FBN3: variants seen among roughly 807,000 people sequenced by gnomAD.
FBN3 encodes the protein fibrillin 3.
Under a neutral mutation model 330.1 loss-of-function variants are expected in FBN3, and 234 were observed. That is an observed-to-expected ratio of 0.71 (90% confidence interval 0.64 to 0.79). The LOEUF (loss-of-function observed/expected upper bound fraction) is 0.79. FBN3 is among the 30% of genes least tolerant of loss of function. The pLI is 0.00. For synonymous variants in FBN3, 1,458 were observed against 1,517.3 expected (o/e 0.96, Z 0.91); for missense variants, 3,606 against 3,886.9 (o/e 0.93, Z 1.92).
chr19:8,069,109 G>A (rs2081456452), intron 63 of FBN3, among the ~76,000 whole-genome samples: 1 of 152,188 alleles, frequency 6.6e-6, no homozygotes, highest in Admixed American at 6.5e-5. Flanking sequence ...CTGACAGTGA[G>A]AGAAACGGGA....
chr19:8,132,980 T>C lies in FBN3; in HGVS notation c.1714+4A>G. ...TCCGCTGGCCAGTCTGGCTCCAGGC[T>C]CACCCATGCAGTAGTGGCCGCCAGG... On this transcript the variant is annotated splice_donor_region_variant and intron_variant, in intron 14 of 63. Coordinates refer to ENST00000600128, the MANE Select transcript of FBN3 (RefSeq NM_032447.5). 1 of 1,550,930 alleles carries C rather than the reference T, an allele frequency of 6.4e-7. No individual in the cohort carries two copies. The highest frequency in any genetic ancestry group is 8.7e-7 in the Non-Finnish European group (1 of 1,151,636).
chr19:8,116,633 GCCT>G, intron 29 of FBN3, 38 bp downstream of exon 29: 1 of 1,581,214 alleles, frequency 6.3e-7, no homozygotes, highest in Non-Finnish European at 8.7e-7. Context: ...TTCTGACACT[GCCT>G]CCTCCACCCG....
intron 62 of FBN3, among the ~76,000 whole-genome samples, 189 bp downstream of exon 62, chr19:8,072,874 G>GC (rs2081548318): frequency 1.3e-5 from 2 of 152,050 alleles, no homozygotes; most frequent in Non-Finnish European, 2.9e-5. Context: ...CTGTACCTCT[G>GC]CGTGTCCAGG....
chr19:8,103,288 T>C (rs1327166949), intron 39 of FBN3, among the ~76,000 whole-genome samples: 1 of 101,772 alleles, frequency 9.8e-6, no homozygotes, highest in Non-Finnish European at 2.4e-5. Context: ...AAAAAAAAGA[T>C]TACTGGCTGG....
At chr19:8,135,936 G>GGGGGGGGGGCCCCCCCCCCCCCCC in intron 13 of FBN3, 25 bp downstream of exon 13, 2 of 668,762 alleles carry the variant, frequency 3.0e-6, no homozygotes, top group Non-Finnish European at 2.4e-6. Context: ...GGAAGCCCCT[G>GGGGGGGGGGCCCCCCCCCCCCCCC]CCCACCCGCC....
Position 8,121,161 on chromosome 19 carries a change from T to A in FBN3, c.3211+97A>T. On this transcript the variant is annotated intron_variant, in intron 25 of 63. Coordinates refer to ENST00000600128, the MANE Select transcript of FBN3 (RefSeq NM_032447.5). This position sits in a 1 kb window ranked among gnomAD's most constrained non-coding sequence, Gnocchi z 4.5. ...CTCCTCCCTCCTCCTGCCCCCTCCA[T>A]CCACGTCCACACAGCAACAGCCGTC... The A allele has an allele frequency of 8.4e-7, 1 of 1,195,922 alleles. No individual in the cohort carries two copies. Among genetic ancestry groups the A allele is most frequent in the East Asian group, 2.5e-5 (1 of 39,626 alleles). The allele number at this position is 1,195,922 out of a possible 1,614,324, so 74.1% of individuals were successfully genotyped here.
chr19:8,083,425 C>G, intron 56 of FBN3, 53 bp from the exon 57 acceptor site: 2 of 1,602,754 alleles, frequency 1.2e-6, no homozygotes, highest in Non-Finnish European at 1.7e-6. Context: ...GCGCCTCCAC[C>G]GAGGAATGTC....
At chr19:8,123,665 T>G in intron 23 of FBN3, 76 bp from the exon 24 acceptor site, 1 of 1,601,934 alleles carries the variant, frequency 6.2e-7, no homozygotes. Context: ...CCTGGGTTCT[T>G]AGTGCCTCGC....
chr19:8,073,220 C>T lies in FBN3; in HGVS notation c.7780G>A (p.Val2594Ile), dbSNP rs35318692. The change falls in exon 62 of 64, where the codon GTC (valine) becomes ATC (isoleucine). Residue 2594 changes from valine to isoleucine, a missense_variant. Transcript: ENST00000600128. Reference sequence around the variant, plus strand: ...TCAAAGTCAAAGCCAGAGGGGCAGACGCAGCGGAAGCCACCAAGAGTGTTG... The same window carrying T: ...TCAAAGTCAAAGCCAGAGGGGCAGATGCAGCGGAAGCCACCAAGAGTGTTG... The part of the protein sequence containing the change: ...CRNTLGGFRC[V>I]CPSGFDFDQA... 5,392 of 1,614,056 alleles carry T rather than the reference C, an allele frequency of 3.3e-3. 18 individuals are homozygous for T. The highest frequency in any genetic ancestry group is 8.6e-3 in the Middle Eastern group (52 of 6,060).
chr19:8,084,008 C>T (rs1298891522), intron 56 of FBN3, among the ~76,000 whole-genome samples: 1 of 151,812 alleles, frequency 6.6e-6, no homozygotes, highest in African/African-American at 2.4e-5. Context: ...TTCACCGTGT[C>T]AGCCAGGATG....
In FBN3 at chr19:8,090,201, C is replaced by T. The variant is rs1358517347; in HGVS notation, c.6082G>A (p.Val2028Met). 1.2e-6 allele frequency: 2 copies of T among 1,613,946 alleles called. No individual in the cohort carries two copies. Among genetic ancestry groups the T allele is most frequent in the Non-Finnish European group, 1.7e-6 (2 of 1,180,008 alleles). Reference protein sequence around the residue: ...FTRFEAGKCSVPKAFNTTKTR... With the variant: ...FTRFEAGKCSMPKAFNTTKTR... Reference sequence around the variant, plus strand: ...TTGGTGGTGTTGAAAGCTTTGGGCACCGAGCACTTCCCAGCCTCAAAACGG... The same window carrying T: ...TTGGTGGTGTTGAAAGCTTTGGGCATCGAGCACTTCCCAGCCTCAAAACGG... The change falls in exon 49 of 64, where the codon GTG becomes ATG. Residue 2028 changes from valine (V) to methionine (M), a missense_variant. Coordinates refer to ENST00000600128, the MANE Select transcript of FBN3 (RefSeq NM_032447.5).
rs377686078 is a variant in FBN3 at position 8,126,932 on chromosome 19, G to A, written c.2297-100C>T. On this transcript the variant is annotated intron_variant, in intron 18 of 63. Coordinates refer to ENST00000600128, the MANE Select transcript of FBN3 (RefSeq NM_032447.5). ...AAGGGGCCGCCGCAACCGGTGGCAC[G>A]GGGTGCACCCAGATGCACAAGCATG... 1.1e-5 allele frequency: 15 copies of A among 1,387,620 alleles called. No individual in the cohort carries two copies. The East Asian group carries it at 1.5e-4, about 14-fold the overall frequency. 86.0% of individuals were successfully genotyped at this position (1,387,620 alleles called of 1,614,324 possible).
chr19:8,144,149 G>A (rs1163052146), intron 6 of FBN3, among the ~76,000 whole-genome samples: 1 of 151,940 alleles, frequency 6.6e-6, no homozygotes, highest in Non-Finnish European at 1.5e-5. Flanking sequence ...TGGGTGTGGT[G>A]GCTCATTTTG....
chr19:8,118,265 T>TAC (rs138268398), intron 26 of FBN3, among the ~76,000 whole-genome samples: 243 of 151,314 alleles, frequency 1.6e-3, no homozygotes, highest in African/African-American at 5.2e-3. Flanking sequence ...CACATTCTCT[T>TAC]ACACACACAC....
chr19:8,137,670 C>A (rs972885596), intron 10 of FBN3, among the ~76,000 whole-genome samples: 3 of 151,518 alleles, frequency 2.0e-5, no homozygotes, highest in Admixed American at 1.3e-4. Flanking sequence ...ACTCTGTCAC[C>A]CAGGTTGGAG....
intron 40 of FBN3, among the ~76,000 whole-genome samples, chr19:8,102,463 C>T (rs2082347934): frequency 6.6e-6 from 1 of 151,976 alleles, no homozygotes; most frequent in South Asian, 2.1e-4. Context: ...AGTGATCCAC[C>T]CGCCTCGGCC....
At chr19:8,095,131 C>T (rs2082182708) in intron 46 of FBN3, among the ~76,000 whole-genome samples, 1 of 152,120 alleles carries the variant, frequency 6.6e-6, no homozygotes, top group South Asian at 2.1e-4. Context: ...GCCACCACTC[C>T]TGGCTAATTT....
Position 8,111,119 on chromosome 19 carries a change from G to A in FBN3, c.4149C>T (p.Gly1383=), listed in dbSNP as rs375909802. The A allele has an allele frequency of 3.3e-5, 53 of 1,613,292 alleles. No individual in the cohort carries two copies. Among genetic ancestry groups the A allele is most frequent in the African/African-American group, 5.3e-5 (4 of 74,938 alleles). ...CCATCTCACATTCACAGCGGTACCC[G>A]CCGGGCGCATTGAGGCACTGCCCGT... The part of the protein sequence containing the change: ...CDNGQCLNAP[G]GYRCECEMGF... The change falls in exon 33 of 64, where the codon GGC becomes GGT. Residue 1383 remains glycine, a synonymous_variant. Coordinates refer to ENST00000600128, the MANE Select transcript of FBN3 (RefSeq NM_032447.5).
chr19:8,136,821 A>G (rs1331124031), intron 10 of FBN3, among the ~76,000 whole-genome samples: 22 of 122,178 alleles, frequency 1.8e-4, no homozygotes, highest in Admixed American at 1.1e-3. Context: ...CCTGGGGTCT[A>G]GATACCTCCA....
Sources: allele counts gnomAD v4.1 joint callset (sites outside exome capture counted in the v4.1 genomes callset), GRCh38; gene constraint gnomAD v4.1.1; non-coding constraint Gnocchi (gnomAD v3.1); transcripts MANE v1.5; gene names NCBI Gene and HGNC (gene_info 2026-07-23, HGNC 2026-07-21).